Variants in GALNTL6 observed in about 807,000 individuals in gnomAD.
The protein encoded by GALNTL6 is polypeptide N-acetylgalactosaminyltransferase like 6, also known as polypeptide N-acetylgalactosaminyltransferase-like 6.
GALNTL6 carries 46 observed loss-of-function variants against 73.7 expected under a neutral mutation model. The ratio of observed to expected loss-of-function variants is 0.62; its 90% CI spans 0.49 to 0.80. The LOEUF (loss-of-function observed/expected upper bound fraction) is 0.80. Among genes scored for constraint, GALNTL6 ranks in the 30% least tolerant of loss-of-function variants. GALNTL6 has a pLI of 0.00. For synonymous variants in GALNTL6, 259 were observed against 263.7 expected, an observed-to-expected ratio of 0.98 and a Z score of 0.17; for missense variants, 604 against 755.0, an observed-to-expected ratio of 0.80 and a Z score of 2.34.
chr4:173,033,296 C>T (rs1000419024), intron 12 of GALNTL6, among the ~76,000 whole-genome samples: 1 of 151,894 alleles, frequency 6.6e-6, no homozygotes, highest in South Asian at 2.1e-4. Flanking sequence ...AGCCACTGTG[C>T]CCAGCCAAGA....
chr4:172,870,688 T>C (rs1448640189), intron 7 of GALNTL6, among the ~76,000 whole-genome samples: 2 of 152,196 alleles, frequency 1.3e-5, no homozygotes, highest in African/African-American at 4.8e-5. Context: ...CCTGCTCTGA[T>C]TTGGAGATAG....
chr4:172,785,685 TGGG>T (rs1560951173), intron 5 of GALNTL6, among the ~76,000 whole-genome samples: 1 of 152,038 alleles, frequency 6.6e-6, no homozygotes, highest in South Asian at 2.1e-4. Flanking sequence ...GATGGGGAGA[TGGG>T]GGTGTCTTTC....
At chr4:172,020,634 T>A (rs1046796917) in intron 2 of GALNTL6, among the ~76,000 whole-genome samples, 1 of 148,650 alleles carries the variant, frequency 6.7e-6, no homozygotes, top group Non-Finnish European at 1.5e-5. Flanking sequence ...CCTGAACAGA[T>A]CAATAACAAG....
chr4:172,265,205 C>G (rs1322857343), intron 3 of GALNTL6, among the ~76,000 whole-genome samples: 1 of 151,936 alleles, frequency 6.6e-6, no homozygotes, highest in Non-Finnish European at 1.5e-5. Flanking sequence ...AACCGTGAGT[C>G]TGGAATTGGT....
chr4:171,868,691 T>C (rs1386704467), intron 2 of GALNTL6, among the ~76,000 whole-genome samples: 1 of 148,814 alleles, frequency 6.7e-6, no homozygotes, highest in Admixed American at 6.7e-5. Context: ...TCTTTCTTTC[T>C]TTTTTTTTTA....
Position 171,972,527 on chromosome 4 carries a change from A to G in GALNTL6, c.138+157809A>G, listed in dbSNP as rs1739601808. Among the ~76,000 whole-genome samples the G allele has an allele frequency of 2.0e-5, 3 of 152,272 alleles. No homozygotes were observed. The South Asian group carries it at 6.2e-4, about 32-fold the overall frequency. On this transcript the variant is annotated intron_variant, in intron 2 of 12. Transcript: ENST00000506823. ...CTGTGGGTCATTTGATACATAGCAA[A>G]TTCCATGATAATAAATTATACCTGG...
At chr4:172,698,681 GA>G (rs1733837848) in intron 5 of GALNTL6, among the ~76,000 whole-genome samples, 1 of 152,180 alleles carries the variant, frequency 6.6e-6, no homozygotes, top group Non-Finnish European at 1.5e-5. Context: ...TGGAGATGGG[GA>G]ATGGGAGTCA....
intron 7 of GALNTL6, among the ~76,000 whole-genome samples, chr4:172,876,763 T>A (rs1483087759): frequency 1.3e-5 from 2 of 152,216 alleles, no homozygotes; most frequent in Non-Finnish European, 1.5e-5. Flanking sequence ...CTTTTCAAAA[T>A]TCTAATGTAA....
At chr4:172,095,117 G>T (rs1286850294) in intron 2 of GALNTL6, among the ~76,000 whole-genome samples, 1 of 150,696 alleles carries the variant, frequency 6.6e-6, no homozygotes, top group Non-Finnish European at 1.5e-5. Flanking sequence ...TGTTAGGGAG[G>T]GTCCAAAAAG....
At chr4:172,168,904 T>C (rs902509353) in intron 2 of GALNTL6, among the ~76,000 whole-genome samples, 6 of 152,024 alleles carry the variant, frequency 3.9e-5, no homozygotes, top group Non-Finnish European at 5.9e-5. Flanking sequence ...AAGGATATGA[T>C]AGTATATCAT....
At chr4:172,760,712 C>G (rs144320167) in intron 5 of GALNTL6, among the ~76,000 whole-genome samples, 9 of 152,270 alleles carry the variant, frequency 5.9e-5, no homozygotes, top group African/African-American at 1.9e-4. Context: ...CAGCTGCACT[C>G]ACACTGGAGA....
intron 2 of GALNTL6, among the ~76,000 whole-genome samples, chr4:171,941,000 T>TA (rs899516780): frequency 6.6e-6 from 1 of 151,826 alleles, no homozygotes; most frequent in South Asian, 2.1e-4. Context: ...AAATTAAAAA[T>TA]AAAAAAATTT....
intron 10 of GALNTL6, among the ~76,000 whole-genome samples, chr4:172,969,151 C>A (rs768480749): frequency 1.3e-5 from 2 of 151,842 alleles, no homozygotes; most frequent in Non-Finnish European, 2.9e-5. Context: ...GGAAAGAGAA[C>A]TGAGAAAACT....
intron 5 of GALNTL6, chr4:172,666,672 C>T (rs1209354292): frequency 1.3e-5 from 2 of 152,142 alleles, no homozygotes; most frequent in South Asian, 4.1e-4. Context: ...TCTTCCTTTA[C>T]CACCCTGAAT....
chr4:172,945,145 C>T (rs1408521562), intron 9 of GALNTL6, among the ~76,000 whole-genome samples: 1 of 151,110 alleles, frequency 6.6e-6, no homozygotes. Context: ...AATACTTATA[C>T]TAAGTGAAAG....
chr4:172,227,842 TAG>T (rs1050841909), intron 2 of GALNTL6, among the ~76,000 whole-genome samples: 1 of 152,202 alleles, frequency 6.6e-6, no homozygotes, highest in Admixed American at 6.5e-5. Flanking sequence ...ATAAGGAAAA[TAG>T]AGTGTCCCTG....
chr4:172,964,109 C>T lies in GALNTL6; in HGVS notation c.1371+11851C>T, dbSNP rs549015092. ...TTCAAATAGAAGCAATGTGCTTTCC[C>T]CCATGCTATGTTGGATAGGGTAAGA... On this transcript the variant is annotated intron_variant, in intron 10 of 12. Transcript: ENST00000506823. Among the ~76,000 whole-genome samples, 91 of 152,242 alleles carry T rather than the reference C, an allele frequency of 6.0e-4. 1 individual carries two copies. The highest frequency in any genetic ancestry group is 1.0e-3 in the Admixed American group (16 of 15,288).
At chr4:172,802,464 C>T (rs1740704372) in intron 5 of GALNTL6, among the ~76,000 whole-genome samples, 1 of 152,076 alleles carries the variant, frequency 6.6e-6, no homozygotes, top group African/African-American at 2.4e-5. Context: ...TATTGAGAGT[C>T]TAAAGGAACT....
At chr4:172,467,791 T>G (rs1346368125) in intron 5 of GALNTL6, among the ~76,000 whole-genome samples, 2 of 151,994 alleles carry the variant, frequency 1.3e-5, no homozygotes, top group African/African-American at 2.4e-5. Context: ...TGTTGAGAGA[T>G]AAAAGCATTT....
Sources: allele counts gnomAD v4.1 joint callset (sites outside exome capture counted in the v4.1 genomes callset), GRCh38; gene constraint gnomAD v4.1.1; transcripts MANE v1.5; gene names NCBI Gene and HGNC (gene_info 2026-07-23, HGNC 2026-07-21).